Variants in TMEM184B observed in about 807,000 individuals in gnomAD.
TMEM184B encodes the protein putative MAPK-activating protein FM08.
A neutral mutation model predicts 41.8 loss-of-function variants in TMEM184B; 17 were observed. The observed-to-expected ratio is 0.41, with a 90% confidence interval of 0.28 to 0.61. The LOEUF is 0.61. Ranked by LOEUF, TMEM184B falls within the 20% of genes least tolerant of loss-of-function variation. TMEM184B has a pLI of 0.34. For synonymous variants in TMEM184B, 240 were observed against 229.5 expected (o/e 1.05, Z -0.41); for missense variants, 393 against 557.8 (o/e 0.70, Z 2.98).
At chr22:38,236,705 G>T (rs1273430169) in intron 3 of TMEM184B, among the ~76,000 whole-genome samples, 2 of 152,092 alleles carry the variant, frequency 1.3e-5, no homozygotes, top group Non-Finnish European at 2.9e-5. Flanking sequence ...GCCCAGGCTG[G>T]TCTTGAACTC....
At position 38,220,422 on chromosome 22, in the gene TMEM184B, AC is replaced by A; in HGVS notation, c.*1046del. The stretch of plus-strand genomic sequence containing the variant: ...GGCCAGGGGCCAGATGGGGTAGAAC[AC>A]CAGGCCCTGTGTGGATAGGGGCCCC... On this transcript the variant is annotated 3_prime_UTR_variant, in exon 9 of 9. Coordinates refer to ENST00000361906, the MANE Select transcript of TMEM184B (RefSeq NM_012264.5). 1.0e-6 allele frequency: 1 copy of A among 985,886 alleles called. No individual in the cohort carries two copies. Among genetic ancestry groups the A allele is most frequent in the Non-Finnish European group, 1.2e-6 (1 of 830,020 alleles). 61.1% of individuals were successfully genotyped at this position (985,886 alleles called of 1,614,324 possible). A position where few individuals can be genotyped will look rare whatever the true frequency, so the allele number is the denominator to read the frequency against.
chr22:38,231,090 A>AG (rs1482190907), intron 4 of TMEM184B, among the ~76,000 whole-genome samples, 154 bp downstream of exon 4: 2 of 152,224 alleles, frequency 1.3e-5, no homozygotes, highest in African/African-American at 4.8e-5. Flanking sequence ...TAAAACGCCC[A>AG]GAAGAATGGC....
At chr22:38,270,166 C>T (rs1169606826) in intron 1 of TMEM184B, among the ~76,000 whole-genome samples, 1 of 152,166 alleles carries the variant, frequency 6.6e-6, no homozygotes, top group Non-Finnish European at 1.5e-5. Context: ...GCCCGGAGTT[C>T]CCTCTACCTG....
chr22:38,267,074 A>C (rs753280267), intron 1 of TMEM184B, among the ~76,000 whole-genome samples: 6 of 141,936 alleles, frequency 4.2e-5, no homozygotes, highest in Non-Finnish European at 7.8e-5. Context: ...ACAGAGCAAA[A>C]CTCTGTCTCA....
rs553377369 is a variant in TMEM184B at position 38,219,849 on chromosome 22, C to A, written c.*1620G>T. On this transcript the variant is annotated 3_prime_UTR_variant, in exon 9 of 9. Transcript: ENST00000361906. ...GGCAGCTTGGGCCCAACTGCTCCGC[C>A]CCCCCAAGATGGAGGGGGAGAGCTG... The A allele has an allele frequency of 5.9e-4, 580 of 985,366 alleles. No individual in the cohort carries two copies. Among genetic ancestry groups the A allele is most frequent in the Non-Finnish European group, 6.7e-4 (557 of 829,962 alleles). The allele number at this position is 985,366 out of a possible 1,614,324, so 61.0% of individuals were successfully genotyped here. A position where few individuals can be genotyped will look rare whatever the true frequency, so the allele number is the denominator to read the frequency against.
chr22:38,230,830 C>T (rs1227550403), intron 4 of TMEM184B, 86 bp from the exon 5 acceptor site: 1 of 1,276,256 alleles, frequency 7.8e-7, no homozygotes, highest in East Asian at 2.4e-5. Context: ...CGCCCTCCCA[C>T]CCATCCAGAC....
Position 38,225,415 on chromosome 22 carries a change from G to A in TMEM184B, c.787+9C>T, listed in dbSNP as rs1356424577. On this transcript the variant is annotated intron_variant, in intron 7 of 8. Transcript: ENST00000361906. This position sits in a 1 kb window ranked among gnomAD's most constrained non-coding sequence, Gnocchi z 4.4. ...ATGGGCAGCCTCCAGGTGCTGGGAG[G>A]GGGCTCACCTTGCCAGAAGGAAAGA... is the stretch of plus-strand genomic sequence containing the variant. The A allele has an allele frequency of 2.6e-6, 4 of 1,548,528 alleles. No homozygotes were observed. The highest frequency in any genetic ancestry group is 3.5e-6 in the Non-Finnish European group (4 of 1,150,664).
At chr22:38,224,366 G>T (rs942522910) in intron 8 of TMEM184B, among the ~76,000 whole-genome samples, 8 of 152,152 alleles carry the variant, frequency 5.3e-5, no homozygotes, top group South Asian at 2.1e-4. Context: ...CACCCGCCTC[G>T]GCCTCCCAAA....
At chr22:38,251,159 T>C (rs2092153954) in intron 1 of TMEM184B, among the ~76,000 whole-genome samples, 2 of 152,218 alleles carry the variant, frequency 1.3e-5, no homozygotes, top group Non-Finnish European at 1.5e-5. Context: ...GAAGCCACCA[T>C]GGCTGGGAGT....
At chr22:38,218,037 G>A (rs2091171717), downstream of TMEM184B, among the ~76,000 whole-genome samples, 2 of 152,086 alleles carry the variant, frequency 1.3e-5, no homozygotes, top group Non-Finnish European at 2.9e-5. Flanking sequence ...CCCACCCAGA[G>A]AGGAAAAAAC....
At chr22:38,263,469 G>A (rs777689520) in intron 1 of TMEM184B, among the ~76,000 whole-genome samples, 11 of 152,174 alleles carry the variant, frequency 7.2e-5, no homozygotes, top group Non-Finnish European at 7.4e-5. Flanking sequence ...TGCTCAATCC[G>A]GCACAGTGCG....
chr22:38,270,408 G>C (rs1237376492), intron 1 of TMEM184B, among the ~76,000 whole-genome samples: 1 of 152,234 alleles, frequency 6.6e-6, no homozygotes, highest in Non-Finnish European at 1.5e-5. Flanking sequence ...AAAGCGCTTT[G>C]AACTGTGCCT....
intron 3 of TMEM184B, chr22:38,232,235 C>A (rs1190330052): frequency 6.6e-6 from 1 of 152,176 alleles, no homozygotes; most frequent in Non-Finnish European, 1.5e-5. Flanking sequence ...CCTTGGGAAG[C>A]TTGGGCTGCT....
intron 8 of TMEM184B, among the ~76,000 whole-genome samples, chr22:38,224,361 G>C (rs986677624): frequency 6.6e-6 from 1 of 152,138 alleles, no homozygotes; most frequent in Non-Finnish European, 1.5e-5. Context: ...TGATCCACCC[G>C]CCTCGGCCTC....
At chr22:38,237,339 G>A (rs2091799785) in intron 3 of TMEM184B, among the ~76,000 whole-genome samples, 1 of 152,230 alleles carries the variant, frequency 6.6e-6, no homozygotes, top group Non-Finnish European at 1.5e-5. Context: ...CCAGGGTCAG[G>A]AGGCAGACAC....
intron 1 of TMEM184B, among the ~76,000 whole-genome samples, chr22:38,256,239 G>T (rs549256529): frequency 5.4e-5 from 8 of 149,090 alleles, no homozygotes; most frequent in African/African-American, 2.0e-4. Flanking sequence ...TGGATTTGGA[G>T]TCTCACTCTG....
In TMEM184B at chr22:38,246,079, A is replaced by C; in HGVS notation, c.214T>G (p.Tyr72Asp). Residue 72 changes from tyrosine to aspartate, a missense_variant, in exon 3 of 9, where the codon TAC becomes GAC. By Grantham distance (160) the Tyr-to-Asp change is radical. Around this residue, in one of 2 missense-constraint regions of TMEM184B, gnomAD observed 122 missense variants for 123.7 expected, o/e 0.99. Coordinates refer to ENST00000361906, the MANE Select transcript of TMEM184B (RefSeq NM_012264.5). The part of the protein sequence containing the change: ...CHQIYMHLRC[Y>D]SCPNEQRYIV... The stretch of plus-strand genomic sequence containing the variant: ...TAGCGCTGCTCGTTGGGGCAGCTGT[A>C]GCAGCGCAGGTGCATGTAGATCTGG... 6.2e-7 allele frequency: 1 copy of C among 1,611,904 alleles called. No individual in the cohort carries two copies. The highest frequency in any genetic ancestry group is 8.5e-7 in the Non-Finnish European group (1 of 1,179,976).
At chr22:38,231,548 T>G (rs145712503) in intron 3 of TMEM184B, 17 of 682,110 alleles carry the variant, frequency 2.5e-5, no homozygotes, top group African/African-American at 2.3e-4. Context: ...ACCTAAATTA[T>G]CTTATCCCGG....
rs1157978574 is a variant in TMEM184B, at chr22:38,254,222, G to A, written c.-58-6203C>T. ...TTGTCTCCAAAAAAAAAAAAAAAAA[G>A]CACCATGGTAAAAAGAAAACCAAAC... is the stretch of plus-strand genomic sequence containing the variant. On this transcript the variant is annotated intron_variant, in intron 1 of 8. Transcript: ENST00000361906. Among the ~76,000 whole-genome samples the A allele has an allele frequency of 6.9e-4, 75 of 108,510 alleles. 3 individuals are homozygous for A. In the South Asian group the frequency reaches 0.016, roughly 23 times the overall value. The allele number at this position is 108,510 out of a possible 152,430, so 71.2% of individuals were successfully genotyped here. A position where few individuals can be genotyped will look rare whatever the true frequency, so the allele number is the denominator to read the frequency against.
Sources: allele counts gnomAD v4.1 joint callset (sites outside exome capture counted in the v4.1 genomes callset), GRCh38; gene constraint gnomAD v4.1.1; regional missense constraint gnomAD v4.1.1; non-coding constraint Gnocchi (gnomAD v3.1); transcripts MANE v1.5; gene names NCBI Gene and HGNC (gene_info 2026-07-23, HGNC 2026-07-21).